FBXO9: variants seen among roughly 807,000 people sequenced by gnomAD.
The protein encoded by FBXO9 is F-box only protein 9.
FBXO9 carries 43 observed loss-of-function variants against 63.7 expected under a neutral mutation model. The ratio of observed to expected loss-of-function variants is 0.67; its 90% CI spans 0.53 to 0.87. FBXO9 has a LOEUF of 0.87. Among genes scored for constraint, FBXO9 ranks in the 40% least tolerant of loss-of-function variants. FBXO9 has a pLI of 0.00. For synonymous variants in FBXO9, 156 were observed against 171.7 expected (o/e 0.91, Z 0.72); for missense variants, 442 against 533.2 (o/e 0.83, Z 1.68).
chr6:53,093,294 T>G, intron 9 of FBXO9, 172 bp from the exon 10 acceptor site: 1 of 476,250 alleles, frequency 2.1e-6, no homozygotes, highest in Non-Finnish European at 3.7e-6. Context: ...TCTTTGTTGC[T>G]GGACTAACAG....
chr6:53,077,886 T>C (rs1769175153), intron 4 of FBXO9, among the ~76,000 whole-genome samples: 1 of 152,156 alleles, frequency 6.6e-6, no homozygotes, highest in Non-Finnish European at 1.5e-5. Context: ...TAAACTCCTT[T>C]GTAGGGAAAA....
Position 53,065,734 on chromosome 6 carries a change from G to T in FBXO9, c.-56G>T. Reference sequence around the variant, plus strand: ...GACACCCAGCACCCCTCCTCCGGGGGGCGGTGCAGAGGGGGCACGGAGAGC... The same window carrying T: ...GACACCCAGCACCCCTCCTCCGGGGTGCGGTGCAGAGGGGGCACGGAGAGC... On this transcript the variant is annotated 5_prime_UTR_variant, in exon 1 of 13. Coordinates refer to ENST00000323557, the MANE Select transcript of FBXO9 (RefSeq NM_033480.3). 2.1e-6 allele frequency: 3 copies of T among 1,428,768 alleles called. No homozygotes were observed. Among genetic ancestry groups the T allele is most frequent in the Non-Finnish European group, 1.8e-6 (2 of 1,091,180 alleles). The allele number at this position is 1,428,768 out of a possible 1,614,324, so 88.5% of individuals were successfully genotyped here.
intron 4 of FBXO9, among the ~76,000 whole-genome samples, chr6:53,077,356 C>T (rs1769150449): frequency 6.6e-6 from 1 of 150,514 alleles, no homozygotes; most frequent in African/African-American, 2.4e-5. Context: ...GCCTGTAGTC[C>T]CAGCTACTTG....
rs1461458672 is a variant in FBXO9 at position 53,071,108 on chromosome 6, G to A, written c.55G>A (p.Glu19Lys). 27 of 1,570,284 alleles carry A rather than the reference G, an allele frequency of 1.7e-5. No homozygotes were observed. The highest frequency in any genetic ancestry group is 2.2e-5 in the Non-Finnish European group (26 of 1,155,688). Reference protein sequence around the residue: ...HSDTVRADDDEENESPAETDL... With the variant: ...HSDTVRADDDKENESPAETDL... Reference sequence around the variant, plus strand: ...TGATACTGTCAGAGCAGATGATGATGAAGAAAATGAAAGTCCTGCTGAAAC... The same window carrying A: ...TGATACTGTCAGAGCAGATGATGATAAAGAAAATGAAAGTCCTGCTGAAAC... The change falls in exon 2 of 13, where the codon GAA (glutamate) becomes AAA (lysine). Residue 19 changes from glutamate (E) to lysine (K), a missense_variant. Around this residue, in one of 2 missense-constraint regions of FBXO9, gnomAD observed 180 missense variants for 171.1 expected, o/e 1.05. Coordinates refer to ENST00000323557, the MANE Select transcript of FBXO9 (RefSeq NM_033480.3).
In FBXO9 at chr6:53,097,807, G is replaced by A. The variant is rs1386235536; in HGVS notation, c.1291G>A (p.Ala431Thr). ...CTTCGCCAGAGTAAGGAGCTACACA[G>A]CTTTCTCAGAAAGGCCTCTGTAGAG... ...LFFARVRSYT[A>T]FSERPL The change falls in exon 13 of 13, where the codon GCT (alanine) becomes ACT (threonine). Residue 431 changes from alanine (A) to threonine (T), a missense_variant. Coordinates refer to ENST00000323557, the MANE Select transcript of FBXO9 (RefSeq NM_033480.3). The A allele has an allele frequency of 6.2e-7, 1 of 1,605,012 alleles. No individual in the cohort carries two copies. Among genetic ancestry groups the A allele is most frequent in the Non-Finnish European group, 8.5e-7 (1 of 1,175,408 alleles).
intron 1 of FBXO9, 177 bp downstream of exon 1, chr6:53,065,969 C>T (rs1382650931): frequency 8.6e-7 from 1 of 1,163,194 alleles, no homozygotes; most frequent in African/African-American, 1.6e-5. Context: ...CGGGGGGTGC[C>T]AACCCTGGCT....
At chr6:53,094,542 G>C (rs999639106) in intron 11 of FBXO9, 1 of 166,204 alleles carries the variant, frequency 6.0e-6, no homozygotes, top group Non-Finnish European at 1.3e-5. Flanking sequence ...TTTCAATCCT[G>C]GTTAAAAATT....
intron 3 of FBXO9, among the ~76,000 whole-genome samples, chr6:53,075,715 G>A (rs1424699374): frequency 7.2e-6 from 1 of 138,604 alleles, no homozygotes; most frequent in African/African-American, 2.7e-5. Flanking sequence ...TTTCTAATTG[G>A]ATTACATATA....
intron 6 of FBXO9, 81 bp downstream of exon 6, chr6:53,081,179 G>T (rs770391133): frequency 1.0e-4 from 144 of 1,380,678 alleles, no homozygotes; most frequent in Non-Finnish European, 1.3e-4. Flanking sequence ...CAGATAATTT[G>T]CCAGATAACT....
Position 53,082,622 on chromosome 6 carries a change from C to A in FBXO9, c.653+4C>A. 1 of 1,599,772 alleles carries A rather than the reference C, an allele frequency of 6.3e-7. No individual in the cohort carries two copies. Among genetic ancestry groups the A allele is most frequent in the Non-Finnish European group, 8.5e-7 (1 of 1,172,282 alleles). On this transcript the variant is annotated splice_donor_region_variant and intron_variant, in intron 7 of 12. Coordinates refer to ENST00000323557, the MANE Select transcript of FBXO9 (RefSeq NM_033480.3). Reference sequence around the variant, plus strand: ...GAGGATTCTACATCTGTGCCAGGTACTAAGTTTTTGTTTTTGTTTTTTAAA... The same window carrying A: ...GAGGATTCTACATCTGTGCCAGGTAATAAGTTTTTGTTTTTGTTTTTTAAA...
At chr6:53,085,550 C>A (rs971642028) in intron 7 of FBXO9, among the ~76,000 whole-genome samples, 1 of 151,934 alleles carries the variant, frequency 6.6e-6, no homozygotes, top group Admixed American at 6.6e-5. Flanking sequence ...TCAGGACTAT[C>A]AGACTTTTAT....
chr6:53,068,923 T>G (rs1768812009), intron 1 of FBXO9, among the ~76,000 whole-genome samples: 1 of 152,150 alleles, frequency 6.6e-6, no homozygotes, highest in African/African-American at 2.4e-5. Context: ...GTGTTGGGAT[T>G]ACAGGCATGA....
chr6:53,079,982 C>G (rs1476294018), intron 5 of FBXO9, among the ~76,000 whole-genome samples: 1 of 152,036 alleles, frequency 6.6e-6, no homozygotes, highest in Non-Finnish European at 1.5e-5. Context: ...TGGGTTTTTT[C>G]TAAACCTTCT....
Position 53,065,715 on chromosome 6 carries a change from C to T in FBXO9, c.-75C>T, listed in dbSNP as rs1768667687. The T allele has an allele frequency of 1.4e-6, 2 of 1,425,924 alleles. No individual in the cohort carries two copies. Among genetic ancestry groups the T allele is most frequent in the African/African-American group, 1.5e-5 (1 of 67,434 alleles). 88.3% of individuals were successfully genotyped at this position (1,425,924 alleles called of 1,614,324 possible). ...AGGCAGGAGTAGACACCCGGACACC[C>T]AGCACCCCTCCTCCGGGGGGCGGTG... is the stretch of plus-strand genomic sequence containing the variant. On this transcript the variant is annotated 5_prime_UTR_variant, in exon 1 of 13. Coordinates refer to ENST00000323557, the MANE Select transcript of FBXO9 (RefSeq NM_033480.3).
chr6:53,077,098 A>G (rs1266290570), intron 4 of FBXO9, among the ~76,000 whole-genome samples: 1 of 152,160 alleles, frequency 6.6e-6, no homozygotes, highest in Non-Finnish European at 1.5e-5. Context: ...AAATTGCTTC[A>G]GAGGATGGGA....
In FBXO9 at chr6:53,100,097, G is replaced by A. The variant is rs1763310382; in HGVS notation, c.*2267G>A. The A allele has an allele frequency of 6.6e-6, 1 of 152,068 alleles. No individual in the cohort carries two copies. Among genetic ancestry groups the A allele is most frequent in the Non-Finnish European group, 1.5e-5 (1 of 68,008 alleles). 9.4% of individuals were successfully genotyped at this position (152,068 alleles called of 1,614,324 possible). ...AACTGGAAAAAGTAACTTTTTTCCA[G>A]ATTACATTTTCTGTATATTTGTAAA... is the stretch of plus-strand genomic sequence containing the variant. On this transcript the variant is annotated 3_prime_UTR_variant, in exon 13 of 13. Coordinates refer to ENST00000323557, the MANE Select transcript of FBXO9 (RefSeq NM_033480.3).
At position 53,098,954 on chromosome 6, in the gene FBXO9, G is replaced by C. The variant is rs1763285780; in HGVS notation, c.*1124G>C. On this transcript the variant is annotated 3_prime_UTR_variant, in exon 13 of 13. Coordinates refer to ENST00000323557, the MANE Select transcript of FBXO9 (RefSeq NM_033480.3). ...TAGACCTCTACCTGATTCAGATTTG[G>C]TTTTGTTGTTTCAACCATAGTTAGA... 6.6e-6 allele frequency: 1 copy of C among 152,108 alleles called. No individual in the cohort carries two copies. Among genetic ancestry groups the C allele is most frequent in the Non-Finnish European group, 1.5e-5 (1 of 68,026 alleles). The allele number at this position is 152,108 out of a possible 1,614,324, so 9.4% of individuals were successfully genotyped here. A position where few individuals can be genotyped will look rare whatever the true frequency, so the allele number is the denominator to read the frequency against.
chr6:53,081,124 C>T, intron 6 of FBXO9, 26 bp downstream of exon 6: 1 of 1,591,984 alleles, frequency 6.3e-7, no homozygotes, highest in Non-Finnish European at 8.5e-7. Flanking sequence ...TTTCATAACT[C>T]AGTGAGAAAT....
In FBXO9 at chr6:53,076,470, C is replaced by G. The variant is rs1769112121; in HGVS notation, c.250-16C>G. The G allele has an allele frequency of 6.6e-7, 1 of 1,513,108 alleles. No individual in the cohort carries two copies. Among genetic ancestry groups the G allele is most frequent in the Admixed American group, 2.5e-5 (1 of 40,438 alleles). The allele number at this position is 1,513,108 out of a possible 1,614,324, so 93.7% of individuals were successfully genotyped here. A position where few individuals can be genotyped will look rare whatever the true frequency, so the allele number is the denominator to read the frequency against. On this transcript the variant is annotated splice_polypyrimidine_tract_variant and intron_variant, in intron 3 of 12. Transcript: ENST00000323557. ...TAATGCAGGTTTTCAAAAATTTTTA[C>G]TTTATATTTTTATAGGCTCGAGAAC... is the stretch of plus-strand genomic sequence containing the variant.
Sources: allele counts gnomAD v4.1 joint callset (sites outside exome capture counted in the v4.1 genomes callset), GRCh38; gene constraint gnomAD v4.1.1; regional missense constraint gnomAD v4.1.1; transcripts MANE v1.5; gene names NCBI Gene and HGNC (gene_info 2026-07-23, HGNC 2026-07-21).